SLC4A7: variants seen among roughly 807,000 people sequenced by gnomAD.
SLC4A7 encodes the protein solute carrier family 4 member 7.
A neutral mutation model predicts 137.6 loss-of-function variants in SLC4A7; 51 were observed. The observed-to-expected ratio is 0.37, with a 90% CI of 0.30 to 0.47. SLC4A7 has a LOEUF of 0.47. Among genes scored for constraint, SLC4A7 ranks in the 20% least tolerant of loss-of-function variants. SLC4A7 has a pLI of 1.00. For synonymous variants in SLC4A7, 542 were observed against 518.6 expected, an observed-to-expected ratio of 1.05 and a Z score of -0.61; for missense variants, 1,247 against 1,525.4, an observed-to-expected ratio of 0.82 and a Z score of 3.04.
chr3:27,454,201 C>T (rs1403505181), intron 1 of SLC4A7, among the ~76,000 whole-genome samples: 1 of 152,088 alleles, frequency 6.6e-6, no homozygotes, highest in African/African-American at 2.4e-5. Flanking sequence ...CACGGTGGCT[C>T]ACATCTGTAA....
intron 13 of SLC4A7, among the ~76,000 whole-genome samples, chr3:27,407,087 A>C (rs1219840078): frequency 6.6e-6 from 1 of 151,424 alleles, no homozygotes; most frequent in African/African-American, 2.4e-5. Flanking sequence ...TGGGCTGAAA[A>C]GCAGATATTG....
chr3:27,391,623 C>T (rs2051565275), intron 21 of SLC4A7, 117 bp downstream of exon 21: 1 of 653,164 alleles, frequency 1.5e-6, no homozygotes, highest in Admixed American at 2.9e-5. Flanking sequence ...AGTTAGAAAA[C>T]TAACCTCCCC....
chr3:27,395,823 G>T (rs1337931742), intron 18 of SLC4A7, among the ~76,000 whole-genome samples: 1 of 152,094 alleles, frequency 6.6e-6, no homozygotes, highest in Non-Finnish European at 1.5e-5. Flanking sequence ...TTCATATAAG[G>T]TGAAATCAAT....
intron 1 of SLC4A7, among the ~76,000 whole-genome samples, chr3:27,470,865 C>T (rs977820226): frequency 1.3e-5 from 2 of 152,128 alleles, no homozygotes; most frequent in African/African-American, 4.8e-5. Flanking sequence ...CCCCTTGAAT[C>T]CAGTAGGCGG....
chr3:27,412,538 T>C (rs2054004472), intron 11 of SLC4A7, among the ~76,000 whole-genome samples: 1 of 152,052 alleles, frequency 6.6e-6, no homozygotes, highest in Non-Finnish European at 1.5e-5. Context: ...ATTTAGAGAG[T>C]AGCAAGGCTC....
intron 1 of SLC4A7, chr3:27,456,572 C>T: frequency 1.0e-6 from 1 of 994,280 alleles, no homozygotes; most frequent in South Asian, 1.3e-5. Context: ...ATAAGCCTGA[C>T]ATTTCTTCAA....
At chr3:27,399,288 A>C (rs1318099252) in intron 16 of SLC4A7, among the ~76,000 whole-genome samples, 1 of 152,208 alleles carries the variant, frequency 6.6e-6, no homozygotes, top group South Asian at 2.1e-4. Flanking sequence ...GAAAACACTT[A>C]TATCTATATA....
chr3:27,373,448 ACGAT>A lies in SLC4A7; in HGVS notation c.*3312_*3315del. 6.6e-6 allele frequency: 1 copy of A among 152,302 alleles called. No homozygotes were observed. Among genetic ancestry groups the A allele is most frequent in the African/African-American group, 2.4e-5 (1 of 41,590 alleles). 9.4% of individuals were successfully genotyped at this position (152,302 alleles called of 1,614,324 possible). Reference sequence around the variant, plus strand: ...GACATTTCACATATTTGCACTGCATACGATAAAAATGATGTGATCTACATAAATA... The same window carrying A: ...GACATTTCACATATTTGCACTGCATAAAAAATGATGTGATCTACATAAATA... On this transcript the variant is annotated 3_prime_UTR_variant, in exon 26 of 26. Coordinates refer to ENST00000454389, the MANE Select transcript of SLC4A7 (RefSeq NM_001321103.2).
At chr3:27,462,616 T>G (rs2058759160) in intron 1 of SLC4A7, 2 of 160,966 alleles carry the variant, frequency 1.2e-5, no homozygotes, top group Non-Finnish European at 2.7e-5. Flanking sequence ...AAAGGAATCT[T>G]AAAAGGACCA....
chr3:27,422,018 T>A (rs552300828), intron 8 of SLC4A7, among the ~76,000 whole-genome samples: 2 of 152,270 alleles, frequency 1.3e-5, no homozygotes, highest in East Asian at 1.9e-4. Flanking sequence ...TTATCAAACA[T>A]GAACTTGAGA....
chr3:27,412,932 A>C (rs1333307102), intron 11 of SLC4A7, among the ~76,000 whole-genome samples: 1 of 152,194 alleles, frequency 6.6e-6, no homozygotes, highest in African/African-American at 2.4e-5. Flanking sequence ...AAAACAAAAA[A>C]TCTTTCCTGG....
chr3:27,484,134 C>A lies in SLC4A7; in HGVS notation c.-8G>T. The A allele has an allele frequency of 1.5e-6, 2 of 1,371,728 alleles. No homozygotes were observed. The highest frequency in any genetic ancestry group is 1.7e-5 in the South Asian group (1 of 60,182). 85.0% of individuals were successfully genotyped at this position (1,371,728 alleles called of 1,614,324 possible). A position where few individuals can be genotyped will look rare whatever the true frequency, so the allele number is the denominator to read the frequency against. On this transcript the variant is annotated 5_prime_UTR_variant, in exon 1 of 26. Coordinates refer to ENST00000454389, the MANE Select transcript of SLC4A7 (RefSeq NM_001321103.2). Reference sequence around the variant, plus strand: ...GGCCCCATCAGCCTCCATGGCCGGCCGGCCAGCCCGTGACGGCCGCTACGG... The same window carrying A: ...GGCCCCATCAGCCTCCATGGCCGGCAGGCCAGCCCGTGACGGCCGCTACGG...
At chr3:27,408,985 C>T (rs1199170029) in intron 13 of SLC4A7, among the ~76,000 whole-genome samples, 1 of 152,136 alleles carries the variant, frequency 6.6e-6, no homozygotes, top group African/African-American at 2.4e-5. Context: ...TGATACCTTA[C>T]AGGATATGAA....
chr3:27,456,646 C>T, intron 1 of SLC4A7: 1 of 1,559,914 alleles, frequency 6.4e-7, no homozygotes, highest in Non-Finnish European at 8.8e-7. Context: ...TAATTAGGTA[C>T]ATACAGGTAA....
At chr3:27,403,622 T>G (rs2053023258) in intron 14 of SLC4A7, among the ~76,000 whole-genome samples, 1 of 152,086 alleles carries the variant, frequency 6.6e-6, no homozygotes, top group South Asian at 2.1e-4. Context: ...ATTAATAGTT[T>G]ATTACACTTA....
In SLC4A7 at chr3:27,458,818, C is replaced by T. The variant is rs370809110; in HGVS notation, c.61-6320G>A. On this transcript the variant is annotated intron_variant, in intron 1 of 25. Coordinates refer to ENST00000454389, the MANE Select transcript of SLC4A7 (RefSeq NM_001321103.2). ...AGCCTGGCCAACGTGGTGAAACCCC[C>T]GCCTCTACTAAATACACAAAAATTA... 7.9e-5 allele frequency among the ~76,000 whole-genome samples: 12 copies of T among 152,048 alleles called. No homozygotes were observed. The East Asian group carries it at 1.9e-3, about 25-fold the overall frequency.
At chr3:27,409,717 A>G (rs1301959756) in intron 12 of SLC4A7, among the ~76,000 whole-genome samples, 187 bp from the exon 13 acceptor site, 1 of 152,222 alleles carries the variant, frequency 6.6e-6, no homozygotes, top group African/African-American at 2.4e-5. Flanking sequence ...GAGGAATGTT[A>G]TATTTCATTA....
At chr3:27,480,211 A>G (rs1280184544) in intron 1 of SLC4A7, among the ~76,000 whole-genome samples, 1 of 152,126 alleles carries the variant, frequency 6.6e-6, no homozygotes, top group Non-Finnish European at 1.5e-5. Flanking sequence ...CAATTCATCA[A>G]TCTAACTCAA....
At position 27,397,743 on chromosome 3, in the gene SLC4A7, T is replaced by C. The variant is rs766431279; in HGVS notation, c.2644A>G (p.Thr882Ala). The C allele has an allele frequency of 1.4e-5, 22 of 1,610,210 alleles. No individual in the cohort carries two copies. The highest frequency in any genetic ancestry group is 1.6e-4 in the Middle Eastern group (1 of 6,068). The change falls in exon 18 of 26, where the codon ACA becomes GCA. Residue 882 changes from threonine to alanine, a missense_variant. By Grantham distance (58) the Thr-to-Ala change is moderately conservative. This residue lies in a region of SLC4A7 where 499 missense variants were observed against 664.2 expected (regional missense o/e 0.75). Transcript: ENST00000454389. ...AVFLTIVIMV[T>A]IDYLVGVPSP... is the part of the protein sequence containing the mutation. ...GGAACTCCTACAAGGTAGTCAATTGTAACCATTATTACTATTGTGAGAAAT... is the reference window on the plus strand; with the variant it reads ...GGAACTCCTACAAGGTAGTCAATTGCAACCATTATTACTATTGTGAGAAAT...
Sources: gnomAD v4.1 joint callset for allele counts (sites outside exome capture counted in the v4.1 genomes callset) on GRCh38, gnomAD v4.1.1 for gene constraint, gnomAD v4.1.1 regional missense constraint, MANE v1.5 for transcripts, NCBI Gene and HGNC (gene_info 2026-07-23, HGNC 2026-07-21) for gene names.